The following ACYP2 variants were observed in gnomAD, a reference collection of about 807,000 sequenced individuals.
ACYP2 encodes the protein acylphosphatase-2.
Under a neutral mutation model 11.2 loss-of-function variants are expected in ACYP2, and 12 were observed. The ratio of observed to expected loss-of-function variants is 1.08; its 90% CI spans 0.69 to 1.74. The LOEUF (loss-of-function observed/expected upper bound fraction) is 1.74, where lower values mean the gene tolerates loss of function less well. Ranked by LOEUF, ACYP2 falls within the 40% of genes most tolerant of loss-of-function variation. The pLI is 0.00. For missense variants in ACYP2, 134 were observed against 101.9 expected (o/e 1.31, Z -1.35); for synonymous variants, 43 against 32.2 (o/e 1.33, Z -1.13).
At chr2:54,025,459 A>G (rs759543302) in intron 2 of ACYP2, among the ~76,000 whole-genome samples, 18 of 152,188 alleles carry the variant, frequency 1.2e-4, no homozygotes, top group Non-Finnish European at 2.1e-4. Flanking sequence ...CACAGCAAAC[A>G]AAAACATAAA....
intron 4 of ACYP2, among the ~76,000 whole-genome samples, 176 bp downstream of exon 1, chr2:54,115,932 C>A (rs543873084): frequency 6.6e-6 from 1 of 151,116 alleles, no homozygotes; most frequent in East Asian, 1.9e-4. Flanking sequence ...CGCCCGAGGA[C>A]TTGGACGGGC....
chr2:53,978,078 G>A (rs1408170146), intron 2 of ACYP2, among the ~76,000 whole-genome samples: 6 of 151,646 alleles, frequency 4.0e-5, no homozygotes, highest in African/African-American at 1.2e-4. Context: ...CCTGGCCAAC[G>A]TGAAGAAACC....
intron 6 of ACYP2, among the ~76,000 whole-genome samples, chr2:54,173,435 G>T (rs1331925750): frequency 6.6e-6 from 1 of 152,116 alleles, no homozygotes; most frequent in Non-Finnish European, 1.5e-5. Flanking sequence ...GTAGATTCTG[G>T]ATATTAGCCC....
At chr2:54,032,406 CATCAGGTTTGTCAAAG>C (rs1300097282) in intron 2 of ACYP2, among the ~76,000 whole-genome samples, 1 of 152,130 alleles carries the variant, frequency 6.6e-6, no homozygotes, top group African/African-American at 2.4e-5. Context: ...GTCTTGTTTT[CATCAGGTTTGTCAAAG>C]ATCAGATGGT....
Position 54,256,093 on chromosome 2 carries a change from G to A in ACYP2, c.405-48595G>A, listed in dbSNP as rs749908739. On this transcript the variant is annotated intron_variant, in intron 6 of 6. Coordinates refer to ENST00000607452, the MANE Select transcript of ACYP2 (RefSeq NM_001320586.2). ...TTCTCGGGACCTCTGGCCCTGGTGC[G>A]GGTCTTCCAGAGCATAGTCGAGAGT... 6.2e-7 allele frequency: 1 copy of A among 1,614,120 alleles called. No individual in the cohort carries two copies. Among genetic ancestry groups the A allele is most frequent in the Admixed American group, 1.7e-5 (1 of 60,012 alleles).
At chr2:54,013,965 C>G (rs1266960122) in intron 2 of ACYP2, among the ~76,000 whole-genome samples, 2 of 152,146 alleles carry the variant, frequency 1.3e-5, no homozygotes, top group East Asian at 3.9e-4. Context: ...CGAGACCAGC[C>G]TGGCCAACGT....
intron 4 of ACYP2, among the ~76,000 whole-genome samples, chr2:54,090,191 T>C (rs1386403238): frequency 6.6e-6 from 1 of 151,986 alleles, no homozygotes; most frequent in African/African-American, 2.4e-5. Flanking sequence ...GTCTAATAAC[T>C]TTGATGATGA....
At chr2:54,151,955 T>G (rs1283736786) in intron 6 of ACYP2, among the ~76,000 whole-genome samples, 1 of 152,132 alleles carries the variant, frequency 6.6e-6, no homozygotes, top group African/African-American at 2.4e-5. Flanking sequence ...GAGTGGAAAC[T>G]ACAGAGAGTT....
At chr2:54,081,452 C>T (rs906256617) in intron 4 of ACYP2, among the ~76,000 whole-genome samples, 41 of 152,208 alleles carry the variant, frequency 2.7e-4, no homozygotes, top group African/African-American at 7.5e-4. Context: ...TATTTAGATA[C>T]AGAAATACTA....
chr2:54,004,961 G>A (rs1672990832), intron 2 of ACYP2, among the ~76,000 whole-genome samples: 1 of 149,980 alleles, frequency 6.7e-6, no homozygotes, highest in African/African-American at 2.5e-5. Flanking sequence ...TTTGATAACA[G>A]TCTAACAGTC....
chr2:54,304,458 G>T (rs971842090), intron 6 of ACYP2, among the ~76,000 whole-genome samples: 4 of 151,866 alleles, frequency 2.6e-5, no homozygotes, highest in African/African-American at 9.7e-5. Flanking sequence ...AAATCATCAG[G>T]AATTGACTGT....
At chr2:54,172,542 T>C (rs1572887696) in intron 6 of ACYP2, among the ~76,000 whole-genome samples, 1 of 152,222 alleles carries the variant, frequency 6.6e-6, no homozygotes, top group Non-Finnish European at 1.5e-5. Context: ...CTTCCACACC[T>C]GGAGAGGGAG....
Position 54,121,173 on chromosome 2 carries a change from G to C in ACYP2, c.278-14280G>C, listed in dbSNP as rs373591383. 2.6e-5 allele frequency among the ~76,000 whole-genome samples: 4 copies of C among 152,318 alleles called. No individual in the cohort carries two copies. The East Asian group carries it at 5.8e-4, about 22-fold the overall frequency. On this transcript the variant is annotated intron_variant, in intron 4 of 6. Coordinates refer to ENST00000607452, the MANE Select transcript of ACYP2 (RefSeq NM_001320586.2). ...CAGAGAAGAATTTTATTGACTGACAGAAAAGCTCTCGATAAAGAGAGGGGA... is the reference window on the plus strand; with the variant it reads ...CAGAGAAGAATTTTATTGACTGACACAAAAGCTCTCGATAAAGAGAGGGGA...
chr2:54,175,007 C>G (rs556946495), intron 6 of ACYP2, among the ~76,000 whole-genome samples: 1 of 152,326 alleles, frequency 6.6e-6, no homozygotes, highest in African/African-American at 2.4e-5. Flanking sequence ...TGTTGTGTCT[C>G]TGCCAGGCTT....
rs571060114 is a variant in ACYP2, at chr2:54,203,916, GAT to G, written c.404+65170_404+65171del. Among the ~76,000 whole-genome samples the G allele has an allele frequency of 4.3e-3, 661 of 152,188 alleles. 9 individuals are homozygous for G. The highest frequency in any genetic ancestry group is 0.015 in the African/African-American group (619 of 41,514). The stretch of plus-strand genomic sequence containing the variant: ...TAAGCTTGTCCAACCCACGGCCCAG[GAT>G]AGTTTTGAATGCAGTCCAGCACAAA... On this transcript the variant is annotated intron_variant, in intron 6 of 6. Coordinates refer to ENST00000607452, the MANE Select transcript of ACYP2 (RefSeq NM_001320586.2).
intron 2 of ACYP2, among the ~76,000 whole-genome samples, chr2:53,996,164 G>T (rs1672564935): frequency 6.6e-6 from 1 of 151,988 alleles, no homozygotes; most frequent in Non-Finnish European, 1.5e-5. Context: ...GACTCACAAT[G>T]TACAAACGGC....
At chr2:54,018,552 C>T (rs1673821117) in intron 2 of ACYP2, among the ~76,000 whole-genome samples, 1 of 151,722 alleles carries the variant, frequency 6.6e-6, no homozygotes, top group Middle Eastern at 3.2e-3. Context: ...GTGGCTCATG[C>T]TTGTAATCCC....
At chr2:54,124,163 A>C (rs891223600) in intron 4 of ACYP2, among the ~76,000 whole-genome samples, 1 of 152,144 alleles carries the variant, frequency 6.6e-6, no homozygotes, top group Non-Finnish European at 1.5e-5. Context: ...GTAACCAAAA[A>C]CAACCTAAAT....
intron 4 of ACYP2, among the ~76,000 whole-genome samples, chr2:54,097,156 C>T (rs1051835175): frequency 2.6e-5 from 4 of 152,182 alleles, no homozygotes; most frequent in African/African-American, 9.6e-5. Flanking sequence ...TTTCAATGAG[C>T]TCTTCCCTGC....
Sources: allele counts gnomAD v4.1 joint callset (sites outside exome capture counted in the v4.1 genomes callset), GRCh38; gene constraint gnomAD v4.1.1; transcripts MANE v1.5; gene names NCBI Gene and HGNC (gene_info 2026-07-23, HGNC 2026-07-21).